The following HIPK2 variants were observed in gnomAD, a reference collection of about 807,000 sequenced individuals.
HIPK2 encodes the protein homeodomain interacting protein kinase 2, also known as homeodomain-interacting protein kinase 2.
Under a neutral mutation model 113.7 loss-of-function variants are expected in HIPK2, and 27 were observed. The observed-to-expected ratio is 0.24, with a 90% CI of 0.17 to 0.33. The LOEUF is 0.33. Ranked by LOEUF, HIPK2 falls within the 10% of genes least tolerant of loss-of-function variation. The pLI is 1.00. For missense variants in HIPK2, 1,257 were observed against 1,588.0 expected, an observed-to-expected ratio of 0.79 and a Z score of 3.54; for synonymous variants, 631 against 642.2, an observed-to-expected ratio of 0.98 and a Z score of 0.26.
intron 12 of HIPK2, chr7:139,584,270 G>T: frequency 9.2e-6 from 2 of 217,046 alleles, no homozygotes; most frequent in Non-Finnish European, 1.6e-5. Context: ...AAGACATGGA[G>T]AAGGGGCTGG....
At chr7:139,580,773 G>A (rs1470029452) in intron 13 of HIPK2, among the ~76,000 whole-genome samples, 2 of 152,258 alleles carry the variant, frequency 1.3e-5, no homozygotes, top group Non-Finnish European at 2.9e-5. Context: ...ATGTAGGGCT[G>A]TGATGAGGAT....
intron 9 of HIPK2, among the ~76,000 whole-genome samples, chr7:139,606,642 G>A (rs376988899): frequency 6.6e-6 from 1 of 152,058 alleles, no homozygotes; most frequent in African/African-American, 2.4e-5. Flanking sequence ...TCCACTCCCC[G>A]CCCCAAAGCA....
chr7:139,691,697 T>C (rs1794409264), intron 2 of HIPK2, among the ~76,000 whole-genome samples: 1 of 152,252 alleles, frequency 6.6e-6, no homozygotes, highest in African/African-American at 2.4e-5. Context: ...TGGAGAGAGC[T>C]GGCTGGGGAC....
chr7:139,717,010 C>T lies in HIPK2; in HGVS notation c.25G>A (p.Ala9Thr), dbSNP rs760011575. The part of the protein sequence containing the change: MAPVYEGM[A>T]SHVQVFSPHT... The stretch of plus-strand genomic sequence containing the variant: ...GGGGAGAAAACTTGCACATGTGAGG[C>T]CATACCTACAAGGAAAGGAAAACGA... The change falls in exon 2 of 15, where the codon GCC becomes ACC. Residue 9 changes from alanine (A) to threonine (T), a missense_variant. Physicochemically the swap from Ala to Thr is moderately conservative, Grantham distance 58 (BLOSUM62 0). Around this residue, in one of 5 missense-constraint regions of HIPK2, gnomAD observed 209 missense variants for 237.8 expected, o/e 0.88. Transcript: ENST00000406875. 3.7e-6 allele frequency: 6 copies of T among 1,605,144 alleles called. No homozygotes were observed. The East Asian group carries it at 1.3e-4, about 36-fold the overall frequency.
intron 1 of HIPK2, among the ~76,000 whole-genome samples, chr7:139,731,443 G>A (rs1795779060): frequency 6.6e-6 from 1 of 152,222 alleles, no homozygotes; most frequent in African/African-American, 2.4e-5. Flanking sequence ...GTTCTCATCA[G>A]TGACGTCCAC....
chr7:139,628,941 C>A lies in HIPK2; in HGVS notation c.1434+12G>T. The stretch of plus-strand genomic sequence containing the variant: ...AAAGGGCTTACGTTGCATACTCACC[C>A]ATGAAGCTTACCTGGGCCATATCAT... On this transcript the variant is annotated intron_variant, in intron 5 of 14. Transcript: ENST00000406875. The A allele has an allele frequency of 1.3e-6, 2 of 1,585,390 alleles. No individual in the cohort carries two copies. Among genetic ancestry groups the A allele is most frequent in the East Asian group, 2.3e-5 (1 of 44,146 alleles).
chr7:139,748,140 G>A (rs1796219114), intron 1 of HIPK2, among the ~76,000 whole-genome samples: 1 of 152,184 alleles, frequency 6.6e-6, no homozygotes, highest in South Asian at 2.1e-4. Context: ...TCACCTCCAC[G>A]CAATGACCTT....
At chr7:139,596,189 C>T (rs1799206661) in intron 12 of HIPK2, among the ~76,000 whole-genome samples, 2 of 152,204 alleles carry the variant, frequency 1.3e-5, no homozygotes, top group Non-Finnish European at 2.9e-5. Flanking sequence ...CCAGGAAGCA[C>T]ACAAAGACTA....
intron 1 of HIPK2, among the ~76,000 whole-genome samples, chr7:139,744,229 T>C (rs1194126002): frequency 1.3e-5 from 2 of 152,230 alleles, no homozygotes; most frequent in East Asian, 3.8e-4. Flanking sequence ...GAAACACTAT[T>C]TGGCAATACA....
intron 1 of HIPK2, among the ~76,000 whole-genome samples, chr7:139,762,724 C>T (rs1796487270): frequency 6.6e-6 from 1 of 152,214 alleles, no homozygotes; most frequent in South Asian, 2.1e-4. Flanking sequence ...CAATCATTCA[C>T]TGATTTGCCA....
chr7:139,729,359 G>C (rs1400918742), intron 1 of HIPK2, among the ~76,000 whole-genome samples: 1 of 149,984 alleles, frequency 6.7e-6, no homozygotes, highest in Non-Finnish European at 1.5e-5. Flanking sequence ...GAGAGAGAGA[G>C]AGAGAGAGAG....
At chr7:139,638,925 G>T (rs530821347) in intron 2 of HIPK2, among the ~76,000 whole-genome samples, 221 of 152,202 alleles carry the variant, frequency 1.5e-3, no homozygotes, top group Middle Eastern at 6.8e-3. Context: ...CCAAAGTGCT[G>T]GATTACAGGC....
At position 139,573,298 on chromosome 7, in the gene HIPK2, T is replaced by G. The variant is rs1798371517; in HGVS notation, c.3226A>C (p.Asn1076His). 6.2e-7 allele frequency: 1 copy of G among 1,604,936 alleles called. No homozygotes were observed. The highest frequency in any genetic ancestry group is 8.5e-7 in the Non-Finnish European group (1 of 1,179,800). ...TGCACAGTGCCGTGGCTGGGGCTGT[T>G]GTGCGGGAAGGAGTACGGAGCCTGG... is the stretch of plus-strand genomic sequence containing the variant. The part of the protein sequence containing the change: ...MAQAPYSFPH[N>H]SPSHGTVHPH... The change falls in exon 15 of 15, where the codon AAC becomes CAC. Residue 1076 changes from asparagine (N) to histidine (H), a missense_variant. Physicochemically the swap from Asn to His is moderately conservative, Grantham distance 68. Around this residue, in one of 5 missense-constraint regions of HIPK2, gnomAD observed 862 missense variants for 1,004.3 expected, o/e 0.86. Coordinates refer to ENST00000406875, the MANE Select transcript of HIPK2 (RefSeq NM_022740.5).
chr7:139,620,343 A>G, intron 7 of HIPK2, 58 bp downstream of exon 7: 1 of 1,584,702 alleles, frequency 6.3e-7, no homozygotes, highest in Non-Finnish European at 8.6e-7. Flanking sequence ...GGAAAATACA[A>G]GTCCTGAGGC....
intron 1 of HIPK2, among the ~76,000 whole-genome samples, chr7:139,732,809 TTA>T (rs201353799): frequency 1.2e-4 from 16 of 136,316 alleles, no homozygotes; most frequent in Non-Finnish European, 1.5e-4. Flanking sequence ...ATATAACATA[TTA>T]TATATATATG....
chr7:139,721,594 C>A (rs771000414), intron 1 of HIPK2, among the ~76,000 whole-genome samples: 12 of 152,182 alleles, frequency 7.9e-5, no homozygotes, highest in African/African-American at 2.9e-4. Flanking sequence ...GGCTACTTCC[C>A]GCCTCATTTG....
At chr7:139,708,370 CTGTG>C (rs200918042) in intron 2 of HIPK2, among the ~76,000 whole-genome samples, 3 of 152,154 alleles carry the variant, frequency 2.0e-5, no homozygotes, top group South Asian at 2.1e-4. Context: ...CCTCAATAAA[CTGTG>C]TGTGTGTTTT....
chr7:139,659,115 G>C (rs1248034003), intron 2 of HIPK2, among the ~76,000 whole-genome samples: 3 of 152,170 alleles, frequency 2.0e-5, no homozygotes, highest in Admixed American at 2.0e-4. Flanking sequence ...TGTCTCTGCT[G>C]CAAGGGGGCC....
At chr7:139,591,825 C>T (rs1288758723) in intron 12 of HIPK2, among the ~76,000 whole-genome samples, 1 of 152,270 alleles carries the variant, frequency 6.6e-6, no homozygotes, top group African/African-American at 2.4e-5. Flanking sequence ...TGTTCCTTCA[C>T]TCAAGCCTGA....
Sources: gnomAD v4.1 joint callset for allele counts (sites outside exome capture counted in the v4.1 genomes callset) on GRCh38, gnomAD v4.1.1 for gene constraint, gnomAD v4.1.1 regional missense constraint, MANE v1.5 for transcripts, NCBI Gene and HGNC (gene_info 2026-07-23, HGNC 2026-07-21) for gene names.